Variants in FIGN observed in about 807,000 individuals in gnomAD.
FIGN encodes fidgetin, microtubule severing factor.
Under a neutral mutation model 51.3 loss-of-function variants are expected in FIGN, and 11 were observed. The ratio of observed to expected loss-of-function variants is 0.21; its 90% CI spans 0.13 to 0.35. The LOEUF (loss-of-function observed/expected upper bound fraction) is 0.35, where lower values mean the gene tolerates loss of function less well. FIGN is among the 10% of genes least tolerant of loss of function. The pLI, the probability that FIGN is intolerant of heterozygous loss-of-function variation, is 1.00. For missense variants in FIGN, 857 were observed against 943.6 expected, an observed-to-expected ratio of 0.91 and a Z score of 1.20; for synonymous variants, 407 against 363.2, an observed-to-expected ratio of 1.12 and a Z score of -1.37.
intron 2 of FIGN, among the ~76,000 whole-genome samples, chr2:163,660,798 GA>G (rs1683650106): frequency 1.6e-4 from 2 of 12,806 alleles, no homozygotes; most frequent in Non-Finnish European, 4.0e-4. Context: ...TATGTATATA[GA>G]TATACATATA....
intron 2 of FIGN, among the ~76,000 whole-genome samples, chr2:163,685,031 C>T (rs1031526813): frequency 1.3e-5 from 2 of 151,672 alleles, no homozygotes; most frequent in African/African-American, 4.8e-5. Flanking sequence ...GTGATTCACC[C>T]GCTTCAGCCT....
chr2:163,614,812 G>A (rs999895770), intron 2 of FIGN, among the ~76,000 whole-genome samples: 1 of 151,786 alleles, frequency 6.6e-6, no homozygotes, highest in East Asian at 1.9e-4. Context: ...AAATGAAACT[G>A]CTTATTTTTT....
chr2:163,708,517 C>T (rs1684536385), intron 2 of FIGN, among the ~76,000 whole-genome samples: 1 of 152,082 alleles, frequency 6.6e-6, no homozygotes. Flanking sequence ...ATCTCTAAGC[C>T]AAATGGTAAT....
chr2:163,640,677 A>G (rs961850259), intron 2 of FIGN, among the ~76,000 whole-genome samples: 1 of 152,206 alleles, frequency 6.6e-6, no homozygotes, highest in Non-Finnish European at 1.5e-5. Context: ...AAAAAATTCC[A>G]ACTGTGTTGA....
chr2:163,690,727 A>T (rs890329859), intron 2 of FIGN, among the ~76,000 whole-genome samples: 146 of 152,218 alleles, frequency 9.6e-4, no homozygotes, highest in African/African-American at 3.3e-3. Flanking sequence ...ATAAAAGATT[A>T]TTTTATGTGT....
At chr2:163,663,319 G>A (rs1456639215) in intron 2 of FIGN, among the ~76,000 whole-genome samples, 1 of 150,508 alleles carries the variant, frequency 6.6e-6, no homozygotes, top group East Asian at 2.0e-4. Context: ...GTAGATGTCA[G>A]GTTGTTTTTG....
intron 2 of FIGN, among the ~76,000 whole-genome samples, chr2:163,703,889 A>G (rs186681339): frequency 1.7e-3 from 253 of 152,240 alleles, no homozygotes; most frequent in African/African-American, 5.9e-3. Context: ...TATTATCAGC[A>G]CTAATCCTAA....
At chr2:163,638,063 C>T (rs1427822948) in intron 2 of FIGN, among the ~76,000 whole-genome samples, 1 of 152,008 alleles carries the variant, frequency 6.6e-6, no homozygotes, top group Non-Finnish European at 1.5e-5. Context: ...TTAAGCATTG[C>T]TCCCTGAAGG....
In FIGN at chr2:163,608,191, A is replaced by G. The variant is rs1359216748; in HGVS notation, c.*1361T>C. 6.5e-6 allele frequency: 1 copy of G among 152,690 alleles called. No homozygotes were observed. Among genetic ancestry groups the G allele is most frequent in the Non-Finnish European group, 1.5e-5 (1 of 68,054 alleles). The allele number at this position is 152,690 out of a possible 1,614,324, so 9.5% of individuals were successfully genotyped here. A position where few individuals can be genotyped will look rare whatever the true frequency, so the allele number is the denominator to read the frequency against. ...ACTACAGCCCAGATTTCAAAATGAGAAGCAAAATTGCACTGACAAGAGTGG... is the reference window on the plus strand; with the variant it reads ...ACTACAGCCCAGATTTCAAAATGAGGAGCAAAATTGCACTGACAAGAGTGG... On this transcript the variant is annotated 3_prime_UTR_variant, in exon 3 of 3. Coordinates refer to ENST00000333129, the MANE Select transcript of FIGN (RefSeq NM_018086.4).
chr2:163,706,841 C>A (rs1254090638), intron 2 of FIGN, among the ~76,000 whole-genome samples: 1 of 152,018 alleles, frequency 6.6e-6, no homozygotes, highest in Non-Finnish European at 1.5e-5. Flanking sequence ...TTAAGTTTTT[C>A]TTTTCTAGAG....
intron 2 of FIGN, among the ~76,000 whole-genome samples, chr2:163,627,705 C>T (rs143440020): frequency 8.2e-4 from 125 of 152,298 alleles, no homozygotes; most frequent in Middle Eastern, 3.4e-3. Flanking sequence ...AGTTTCATCA[C>T]TTGCCATATT....
At chr2:163,652,194 C>A (rs1034119863) in intron 2 of FIGN, among the ~76,000 whole-genome samples, 1 of 152,234 alleles carries the variant, frequency 6.6e-6, no homozygotes, top group South Asian at 2.1e-4. Context: ...AGCAAATAAT[C>A]TTGTCACAAA....
chr2:163,701,469 A>C (rs945209858), intron 2 of FIGN, among the ~76,000 whole-genome samples: 7 of 152,328 alleles, frequency 4.6e-5, no homozygotes, highest in African/African-American at 1.7e-4. Flanking sequence ...TGCCTGGTGC[A>C]ACCAGAGGCT....
In FIGN at chr2:163,666,030, A is replaced by T. The variant is rs147401128; in HGVS notation, c.26-54224T>A. On this transcript the variant is annotated intron_variant, in intron 2 of 2. Transcript: ENST00000333129. ...AGCAAAACATGAATCAGCAATGAACACTCATTTTGTTTGTTTAAAACCCCA... is the reference window on the plus strand; with the variant it reads ...AGCAAAACATGAATCAGCAATGAACTCTCATTTTGTTTGTTTAAAACCCCA... Among the ~76,000 whole-genome samples, 290 of 152,228 alleles carry T rather than the reference A, an allele frequency of 1.9e-3. 1 individual carries two copies. The highest frequency in any genetic ancestry group is 3.6e-3 in the Non-Finnish European group (243 of 68,014).
At chr2:163,666,961 A>G (rs1003857749) in intron 2 of FIGN, among the ~76,000 whole-genome samples, 4 of 151,014 alleles carry the variant, frequency 2.6e-5, no homozygotes, top group South Asian at 2.1e-4. Flanking sequence ...GTGTATGTGT[A>G]TATATATATA....
chr2:163,687,039 A>G (rs1408926856), intron 2 of FIGN, among the ~76,000 whole-genome samples: 1 of 152,202 alleles, frequency 6.6e-6, no homozygotes, highest in African/African-American at 2.4e-5. Context: ...ACACACATAC[A>G]TGCACAGCTA....
chr2:163,668,014 A>AGCCCCC (rs1491089658), intron 2 of FIGN, among the ~76,000 whole-genome samples: 1 of 106,874 alleles, frequency 9.4e-6, no homozygotes, highest in African/African-American at 4.1e-5. Flanking sequence ...CCTACCTCCA[A>AGCCCCC]CCCCCCCCCC....
chr2:163,634,086 A>ATG (rs1553495148), intron 2 of FIGN, among the ~76,000 whole-genome samples: 1 of 101,568 alleles, frequency 9.8e-6, no homozygotes, highest in African/African-American at 3.3e-5. Flanking sequence ...GTACGTATGT[A>ATG]TGCGTGTGTG....
At chr2:163,725,811 AT>A (rs1277589583) in intron 2 of FIGN, among the ~76,000 whole-genome samples, 3 of 152,008 alleles carry the variant, frequency 2.0e-5, no homozygotes, top group South Asian at 2.1e-4. Context: ...AGAGCTTTCA[AT>A]TTTTTTTGTA....
Sources: gnomAD v4.1 joint callset for allele counts (sites outside exome capture counted in the v4.1 genomes callset) on GRCh38, gnomAD v4.1.1 for gene constraint, MANE v1.5 for transcripts, NCBI Gene and HGNC (gene_info 2026-07-23, HGNC 2026-07-21) for gene names.